The following FCER1A variants were observed in gnomAD, a reference collection of about 807,000 sequenced individuals.
FCER1A encodes high affinity immunoglobulin epsilon receptor subunit alpha.
FCER1A carries 24 observed loss-of-function variants against 23.6 expected under a neutral mutation model. The ratio of observed to expected loss-of-function variants is 1.02; its 90% CI spans 0.74 to 1.43. The LOEUF (loss-of-function observed/expected upper bound fraction) is 1.43. FCER1A is among the 40% of genes most tolerant of loss of function. The pLI, the probability that FCER1A is intolerant of heterozygous loss-of-function variation, is 0.00. For synonymous variants in FCER1A, 121 were observed against 108.8 expected (o/e 1.11, Z -0.70); for missense variants, 318 against 294.5 (o/e 1.08, Z -0.58).
upstream of FCER1A, among the ~76,000 whole-genome samples, chr1:159,298,578 G>T (rs1312172590): frequency 6.6e-6 from 1 of 152,152 alleles, no homozygotes; most frequent in Non-Finnish European, 1.5e-5. Context: ...CTAACAGGCA[G>T]TCAGCATCTG....
chr1:159,289,166 C>T (rs541537512), upstream of FCER1A, among the ~76,000 whole-genome samples: 5 of 152,274 alleles, frequency 3.3e-5, no homozygotes, highest in South Asian at 1.0e-3. Context: ...CTATCACGAC[C>T]TCCTGCTGCT....
chr1:159,293,188 G>GTGTGTT (rs1553234320), intron 1 of FCER1A, among the ~76,000 whole-genome samples: 2 of 151,786 alleles, frequency 1.3e-5, no homozygotes, highest in East Asian at 3.9e-4. Context: ...GTGTGTGTGT[G>GTGTGTT]TGTGTGTGTG....
At chr1:159,287,758 A>G (rs1425325895), upstream of FCER1A, among the ~76,000 whole-genome samples, 1 of 148,188 alleles carries the variant, frequency 6.7e-6, no homozygotes, top group Non-Finnish European at 1.5e-5. Context: ...ATATGTATGT[A>G]TATTTATATA....
Position 159,306,397 on chromosome 1 carries a change from A to G in FCER1A, c.589+152A>G, listed in dbSNP as rs917422497. 19 of 669,542 alleles carry G rather than the reference A, an allele frequency of 2.8e-5. No homozygotes were observed. The Admixed American group carries it at 3.5e-4, about 12-fold the overall frequency. 41.5% of individuals were successfully genotyped at this position (669,542 alleles called of 1,614,324 possible). A position where few individuals can be genotyped will look rare whatever the true frequency, so the allele number is the denominator to read the frequency against. On this transcript the variant is annotated intron_variant, in intron 4 of 4. Transcript: ENST00000693622. ...AATGAGGAGACCTGGGTGATAGTAT[A>G]TATCTCAATCTCTGTTTCAAAGCCT... is the stretch of plus-strand genomic sequence containing the variant.
chr1:159,286,367 C>T (rs1360626254), upstream of FCER1A, among the ~76,000 whole-genome samples: 2 of 151,648 alleles, frequency 1.3e-5, no homozygotes, highest in Non-Finnish European at 2.9e-5. Flanking sequence ...AAGTCTCTCT[C>T]TGTTGCCCAG....
chr1:159,304,268 T>C, intron 3 of FCER1A, 86 bp downstream of exon 3: 4 of 1,343,476 alleles, frequency 3.0e-6, no homozygotes, highest in Non-Finnish European at 4.2e-6. Context: ...ATTCCAAGGG[T>C]TAGGACACCA....
chr1:159,304,690 T>C (rs1305682318), intron 3 of FCER1A, among the ~76,000 whole-genome samples: 2 of 152,194 alleles, frequency 1.3e-5, no homozygotes, highest in Non-Finnish European at 2.9e-5. Context: ...ATGCCTTCTT[T>C]CAATATTCTA....
chr1:159,284,958 T>C (rs1272942901), upstream of FCER1A, among the ~76,000 whole-genome samples: 1 of 152,254 alleles, frequency 6.6e-6, no homozygotes, highest in Non-Finnish European at 1.5e-5. Flanking sequence ...TGGATCAAGA[T>C]TCAAATGAGC....
rs766892309 is a variant in FCER1A, at chr1:159,302,910, C to T, written c.76+36C>T. On this transcript the variant is annotated intron_variant, in intron 2 of 4. Coordinates refer to ENST00000693622, the MANE Select transcript of FCER1A (RefSeq NM_001387280.1). Reference sequence around the variant, plus strand: ...TGTTCTTGTTCCCTTGGTGTTTCAACATGTCTGGGCATTGCTTTCCTCTCA... The same window carrying T: ...TGTTCTTGTTCCCTTGGTGTTTCAATATGTCTGGGCATTGCTTTCCTCTCA... 6 of 1,590,646 alleles carry T rather than the reference C, an allele frequency of 3.8e-6. 1 individual carries two copies. The South Asian group carries it at 6.6e-5, about 18-fold the overall frequency.
intron 3 of FCER1A, 40 bp from the exon 4 acceptor site, chr1:159,305,948 C>T (rs868523543): frequency 6.4e-7 from 1 of 1,564,506 alleles, no homozygotes; most frequent in Non-Finnish European, 8.8e-7. Flanking sequence ...TCTCTCTCTT[C>T]ATTTATTGTT....
At chr1:159,295,457 T>C (rs1418078191) in intron 1 of FCER1A, among the ~76,000 whole-genome samples, 1 of 152,218 alleles carries the variant, frequency 6.6e-6, no homozygotes, top group African/African-American at 2.4e-5. Flanking sequence ...TATTCATTTA[T>C]TTATTATCAA....
At chr1:159,296,525 T>G (rs1266072132) in intron 1 of FCER1A, among the ~76,000 whole-genome samples, 1 of 152,222 alleles carries the variant, frequency 6.6e-6, no homozygotes, top group African/African-American at 2.4e-5. Context: ...TAATCTTTCC[T>G]CAATATACAT....
chr1:159,306,277 T>C, intron 4 of FCER1A, 32 bp downstream of exon 4: 1 of 1,603,876 alleles, frequency 6.2e-7, no homozygotes, highest in South Asian at 1.1e-5. Context: ...AAAGCATCCA[T>C]AGCAGGGGAA....
At chr1:159,297,883 T>A (rs906859271), upstream of FCER1A, among the ~76,000 whole-genome samples, 13 of 151,924 alleles carry the variant, frequency 8.6e-5, no homozygotes, top group South Asian at 2.1e-4. Flanking sequence ...TCAAAAAAAA[T>A]TTTTTTTAAA....
intron 2 of FCER1A, 140 bp downstream of exon 2, chr1:159,303,014 C>A: frequency 2.5e-6 from 2 of 805,484 alleles, no homozygotes; most frequent in Non-Finnish European, 4.3e-6. Context: ...CCCTCTCCAC[C>A]TTGCCTTGTC....
At chr1:159,307,724 C>T (rs778206897) in intron 4 of FCER1A, 24 bp from the exon 5 acceptor site, 1 of 1,534,572 alleles carries the variant, frequency 6.5e-7, no homozygotes, top group Non-Finnish European at 8.9e-7. Flanking sequence ...TTATGTTTCT[C>T]ATTGCATCTG....
At chr1:159,293,876 AAAAC>A (rs1478758283) in intron 1 of FCER1A, among the ~76,000 whole-genome samples, 1 of 152,030 alleles carries the variant, frequency 6.6e-6, no homozygotes, top group Non-Finnish European at 1.5e-5. Flanking sequence ...TACAAGAAAA[AAAAC>A]AAACAACCCC....
At chr1:159,295,990 A>G (rs540822132) in intron 1 of FCER1A, among the ~76,000 whole-genome samples, 5 of 152,340 alleles carry the variant, frequency 3.3e-5, no homozygotes, top group Non-Finnish European at 5.9e-5. Context: ...TATAAAAATG[A>G]TATTACAATA....
intron 1 of FCER1A, among the ~76,000 whole-genome samples, chr1:159,293,912 A>G (rs552666429): frequency 2.8e-4 from 43 of 152,144 alleles, no homozygotes; most frequent in African/African-American, 9.6e-4. Context: ...GGCGAAGGAC[A>G]TGAACAGACA....
Sources: gnomAD v4.1 joint callset for allele counts (sites outside exome capture counted in the v4.1 genomes callset) on GRCh38, gnomAD v4.1.1 for gene constraint, MANE v1.5 for transcripts, NCBI Gene and HGNC (gene_info 2026-07-23, HGNC 2026-07-21) for gene names.